The following GNA13 variants were observed in gnomAD, a reference collection of about 807,000 sequenced individuals.
GNA13 encodes the protein G protein subunit alpha 13.
A neutral mutation model predicts 33.5 loss-of-function variants in GNA13; 4 were observed. That is an observed-to-expected ratio of 0.12 (90% CI 0.06 to 0.27). The LOEUF (loss-of-function observed/expected upper bound fraction) is 0.27, where lower values mean the gene tolerates loss of function less well. Ranked by LOEUF, GNA13 falls within the 10% of genes least tolerant of loss-of-function variation. The pLI is 1.00. For synonymous variants in GNA13, 176 were observed against 183.8 expected, an observed-to-expected ratio of 0.96 and a Z score of 0.34; for missense variants, 319 against 487.2, an observed-to-expected ratio of 0.65 and a Z score of 3.25.
chr17:65,013,827 G>A lies in GNA13; in HGVS notation c.*430C>T, dbSNP rs1430942200. ...GTCACCATAAAGTTAGGCAACAAGTGTCACTGCTATATGTAAGGCGGACAG... is the reference window on the plus strand; with the variant it reads ...GTCACCATAAAGTTAGGCAACAAGTATCACTGCTATATGTAAGGCGGACAG... On this transcript the variant is annotated 3_prime_UTR_variant, in exon 4 of 4. Transcript: ENST00000439174. 2 of 223,670 alleles carry A rather than the reference G, an allele frequency of 8.9e-6. No homozygotes were observed. The highest frequency in any genetic ancestry group is 4.5e-5 in the African/African-American group (2 of 44,636). 13.9% of individuals were successfully genotyped at this position (223,670 alleles called of 1,614,324 possible). A position where few individuals can be genotyped will look rare whatever the true frequency, so the allele number is the denominator to read the frequency against.
chr17:65,053,815 C>A, intron 1 of GNA13, 87 bp from the exon 2 acceptor site: 1 of 838,062 alleles, frequency 1.2e-6, no homozygotes, highest in Non-Finnish European at 1.9e-6. Context: ...TTTCCTTATA[C>A]TTCTGAATTA....
intron 2 of GNA13, among the ~76,000 whole-genome samples, chr17:65,044,051 G>C (rs985238771): frequency 1.3e-5 from 2 of 152,154 alleles, no homozygotes; most frequent in African/African-American, 4.8e-5. Context: ...GAGCTGGGGA[G>C]GTCAAGGCTA....
At chr17:65,043,522 A>C (rs1907539892) in intron 2 of GNA13, among the ~76,000 whole-genome samples, 1 of 152,152 alleles carries the variant, frequency 6.6e-6, no homozygotes, top group South Asian at 2.1e-4. Context: ...CCTGGACTCA[A>C]GCAATCTGCT....
At chr17:65,034,204 C>G (rs1317782728) in intron 2 of GNA13, among the ~76,000 whole-genome samples, 1 of 151,814 alleles carries the variant, frequency 6.6e-6, no homozygotes, top group Non-Finnish European at 1.5e-5. Context: ...TGTTTTCTAG[C>G]ATATAAGCTA....
chr17:65,056,024 A>AG (rs972842208), intron 1 of GNA13, among the ~76,000 whole-genome samples: 6 of 151,934 alleles, frequency 3.9e-5, no homozygotes, highest in Non-Finnish European at 5.9e-5. Context: ...TCCCTCTCGC[A>AG]GGGGGAGAGA....
Position 65,023,053 on chromosome 17 carries a change from T to A in GNA13, c.511-4750A>T, listed in dbSNP as rs184261906. On this transcript the variant is annotated intron_variant, in intron 2 of 3. Transcript: ENST00000439174. ...GAAGTGACTGAAGAACCAGCCTGTATGAACAGTCCATGTGGAAGAGCTACG... is the reference window on the plus strand; with the variant it reads ...GAAGTGACTGAAGAACCAGCCTGTAAGAACAGTCCATGTGGAAGAGCTACG... 5.4e-3 allele frequency among the ~76,000 whole-genome samples: 828 copies of A among 152,350 alleles called. 4 individuals are homozygous for A. The highest frequency in any genetic ancestry group is 8.2e-3 in the Admixed American group (125 of 15,304).
At chr17:65,033,941 A>G (rs1907147284) in intron 2 of GNA13, among the ~76,000 whole-genome samples, 1 of 130,124 alleles carries the variant, frequency 7.7e-6, no homozygotes, top group South Asian at 2.7e-4. Context: ...TGAACTCAGG[A>G]GGCGGAGGTT....
intron 2 of GNA13, among the ~76,000 whole-genome samples, chr17:65,039,733 G>A (rs137859216): frequency 6.6e-6 from 1 of 152,130 alleles, no homozygotes. Flanking sequence ...ATATTTGTTT[G>A]CATATTTCAT....
rs1240399429 is a variant in GNA13 at position 65,009,313 on chromosome 17, A to G, written c.*4944T>C. 6.6e-6 allele frequency among the ~76,000 whole-genome samples: 1 copy of G among 152,238 alleles called. No individual in the cohort carries two copies. The highest frequency in any genetic ancestry group is 1.5e-5 in the Non-Finnish European group (1 of 68,042). ...ATTGAATTGTTTACAAATGTTTATT[A>G]AATGTCAGTAATTTTTACAAAGCAA... On this transcript the variant is annotated 3_prime_UTR_variant, in exon 4 of 4. Coordinates refer to ENST00000439174, the MANE Select transcript of GNA13 (RefSeq NM_006572.6).
intron 3 of GNA13, among the ~76,000 whole-genome samples, chr17:65,015,401 G>A (rs996784281): frequency 4.6e-5 from 7 of 152,028 alleles, no homozygotes; most frequent in African/African-American, 1.2e-4. Flanking sequence ...GATGGCTCAC[G>A]CTTGTAATTC....
At chr17:65,042,086 C>T (rs572277292) in intron 2 of GNA13, among the ~76,000 whole-genome samples, 44 of 152,206 alleles carry the variant, frequency 2.9e-4, no homozygotes, top group Middle Eastern at 3.4e-3. Context: ...CAGCCAGCCG[C>T]GGTGGCTCAC....
At position 65,012,230 on chromosome 17, in the gene GNA13, T is replaced by G. The variant is rs148137657; in HGVS notation, c.*2027A>C. ...TAACTATGACTTAAGTAAGATGAAG[T>G]GTCCTCTTTCTATAGGGATCTAACT... On this transcript the variant is annotated 3_prime_UTR_variant, in exon 4 of 4. Coordinates refer to ENST00000439174, the MANE Select transcript of GNA13 (RefSeq NM_006572.6). 185 of 221,702 alleles carry G rather than the reference T, an allele frequency of 8.3e-4. No individual in the cohort carries two copies. The highest frequency in any genetic ancestry group is 1.4e-3 in the Non-Finnish European group (160 of 110,720). The allele number at this position is 221,702 out of a possible 1,614,324, so 13.7% of individuals were successfully genotyped here.
intron 2 of GNA13, among the ~76,000 whole-genome samples, chr17:65,050,225 A>T (rs541784477): frequency 6.6e-6 from 1 of 152,324 alleles, no homozygotes; most frequent in East Asian, 1.9e-4. Flanking sequence ...AATGAATGCA[A>T]GAGACGTTAC....
intron 2 of GNA13, among the ~76,000 whole-genome samples, chr17:65,025,605 C>T (rs1183149840): frequency 6.6e-6 from 1 of 152,106 alleles, no homozygotes; most frequent in Admixed American, 6.5e-5. Flanking sequence ...CTCAATTAAA[C>T]TTACAAAATT....
At chr17:65,052,072 G>A (rs1230312271) in intron 2 of GNA13, 3 of 152,216 alleles carry the variant, frequency 2.0e-5, no homozygotes, top group African/African-American at 7.2e-5. Context: ...AGCAAGGACT[G>A]CTGGTTGTAC....
intron 2 of GNA13, among the ~76,000 whole-genome samples, chr17:65,050,499 CAGG>C (rs1907823810): frequency 6.6e-6 from 1 of 152,178 alleles, no homozygotes; most frequent in Non-Finnish European, 1.5e-5. Context: ...GAAGCCAAGG[CAGG>C]AGGACTGCTT....
chr17:65,054,529 TG>T (rs1372891913), intron 1 of GNA13, among the ~76,000 whole-genome samples: 1 of 152,222 alleles, frequency 6.6e-6, no homozygotes, highest in East Asian at 1.9e-4. Flanking sequence ...CCAGCTGGTC[TG>T]GAACTCCTGG....
At chr17:65,047,478 C>G (rs1907707125) in intron 2 of GNA13, among the ~76,000 whole-genome samples, 1 of 152,120 alleles carries the variant, frequency 6.6e-6, no homozygotes, top group South Asian at 2.1e-4. Context: ...ATATTTAACA[C>G]TAATCCTAGA....
Position 65,053,613 on chromosome 17 carries a change from G to T in GNA13, c.399C>A (p.Ala133=). Residue 133 remains alanine, a synonymous_variant, in exon 2 of 4, where the codon GCC becomes GCA. Coordinates refer to ENST00000439174, the MANE Select transcript of GNA13 (RefSeq NM_006572.6). ...MSFDTRAPMA[A]QGMVETRVFL... ...AAACCCTTGTTTCCACCATTCCTTG[G>T]GCTGCCATGGGGGCCCGGGTATCAA... The T allele has an allele frequency of 2.5e-6, 4 of 1,613,268 alleles. No homozygotes were observed. The highest frequency in any genetic ancestry group is 3.4e-6 in the Non-Finnish European group (4 of 1,179,298).
Sources: gnomAD v4.1 joint callset for allele counts (sites outside exome capture counted in the v4.1 genomes callset) on GRCh38, gnomAD v4.1.1 for gene constraint, MANE v1.5 for transcripts, NCBI Gene and HGNC (gene_info 2026-07-23, HGNC 2026-07-21) for gene names.